Variants in ZFAND3 observed in about 807,000 individuals in gnomAD.
ZFAND3 encodes zinc finger AN1-type containing 3, also known as AN1-type zinc finger protein 3.
Under a neutral mutation model 29.6 loss-of-function variants are expected in ZFAND3, and 10 were observed. The observed-to-expected ratio is 0.34, with a 90% CI of 0.21 to 0.57. The LOEUF (loss-of-function observed/expected upper bound fraction) is 0.57. Ranked by LOEUF, ZFAND3 falls within the 20% of genes least tolerant of loss-of-function variation. The pLI is 0.86. For synonymous variants in ZFAND3, 128 were observed against 112.6 expected, an observed-to-expected ratio of 1.14 and a Z score of -0.87; for missense variants, 230 against 304.5, an observed-to-expected ratio of 0.76 and a Z score of 1.82.
chr6:38,109,178 C>CTT (rs1210795483), intron 4 of ZFAND3, among the ~76,000 whole-genome samples: 20 of 130,714 alleles, frequency 1.5e-4, no homozygotes, highest in Non-Finnish European at 2.4e-4. Flanking sequence ...GCTGCCATGA[C>CTT]TTTTTTTTTT....
chr6:38,127,694 C>CTT (rs111308066), intron 5 of ZFAND3, among the ~76,000 whole-genome samples: 6 of 143,012 alleles, frequency 4.2e-5, no homozygotes, highest in Non-Finnish European at 6.2e-5. Context: ...AGTCTCATCT[C>CTT]TTTTTTTTTT....
intron 2 of ZFAND3, among the ~76,000 whole-genome samples, chr6:37,992,161 C>T (rs2127435907): frequency 6.6e-6 from 1 of 152,274 alleles, no homozygotes; most frequent in South Asian, 2.1e-4. Flanking sequence ...AATTCACTCA[C>T]CCTTGAAGGG....
chr6:37,820,391 C>T (rs909769861), intron 1 of ZFAND3, among the ~76,000 whole-genome samples: 9 of 152,340 alleles, frequency 5.9e-5, no homozygotes, highest in Non-Finnish European at 1.2e-4. Context: ...CCCTTCCTCC[C>T]TCCCGGGGCG....
At chr6:37,961,082 G>A (rs1762186707) in intron 2 of ZFAND3, among the ~76,000 whole-genome samples, 1 of 152,164 alleles carries the variant, frequency 6.6e-6, no homozygotes, top group South Asian at 2.1e-4. Context: ...TCAAAAAATA[G>A]TAAATAATCA....
chr6:37,860,606 T>C (rs1264720841), intron 1 of ZFAND3, among the ~76,000 whole-genome samples: 1 of 151,706 alleles, frequency 6.6e-6, no homozygotes, highest in African/African-American at 2.4e-5. Context: ...TTGTTTGCAG[T>C]GATGTTTAGT....
chr6:38,019,863 C>T (rs570747865), intron 2 of ZFAND3, among the ~76,000 whole-genome samples: 6 of 152,202 alleles, frequency 3.9e-5, no homozygotes, highest in South Asian at 4.1e-4. Flanking sequence ...CTGGGATTAC[C>T]GGCACATGCC....
At position 38,065,746 on chromosome 6, in the gene ZFAND3, T is replaced by G. The variant is rs571349756; in HGVS notation, c.295+3971T>G. Among the ~76,000 whole-genome samples the G allele has an allele frequency of 8.4e-4, 128 of 152,286 alleles. No individual in the cohort carries two copies. In the Middle Eastern group the frequency reaches 0.01, roughly 12 times the overall value. On this transcript the variant is annotated intron_variant, in intron 3 of 5. Transcript: ENST00000287218. ...CTATGCTTTCAGTCACTATAAGATA[T>G]TGTCACAATATTATGAAAATGCTAC...
At chr6:37,992,139 A>G (rs1195467393) in intron 2 of ZFAND3, among the ~76,000 whole-genome samples, 3 of 152,252 alleles carry the variant, frequency 2.0e-5, no homozygotes, top group South Asian at 4.1e-4. Context: ...TGTTTCTTAG[A>G]CTAGGCTTTT....
In ZFAND3 at chr6:38,025,238, C is replaced by T. The variant is rs12055868; in HGVS notation, c.113-36355C>T. The stretch of plus-strand genomic sequence containing the variant: ...CCTATAGGAATTCACAAGTCACATA[C>T]TCTTATTAAGGGACATTACTCAGGA... On this transcript the variant is annotated intron_variant, in intron 2 of 5. Coordinates refer to ENST00000287218, the MANE Select transcript of ZFAND3 (RefSeq NM_021943.3). Among the ~76,000 whole-genome samples, 1,553 of 152,282 alleles carry T rather than the reference C, an allele frequency of 0.01. 88 individuals carry two copies. The East Asian group carries it at 0.17, about 16-fold the overall frequency.
chr6:37,871,950 G>C (rs1048560007), intron 1 of ZFAND3, among the ~76,000 whole-genome samples: 4 of 152,148 alleles, frequency 2.6e-5, no homozygotes, highest in African/African-American at 9.7e-5. Flanking sequence ...TCAGTTTTTA[G>C]TCTTACCTGG....
rs549912991 is a variant in ZFAND3 at position 38,068,421 on chromosome 6, A to G, written c.295+6646A>G. Among the ~76,000 whole-genome samples, 215 of 152,334 alleles carry G rather than the reference A, an allele frequency of 1.4e-3. 1 individual carries two copies. Among genetic ancestry groups the G allele is most frequent in the African/African-American group, 5.0e-3 (209 of 41,566 alleles). On this transcript the variant is annotated intron_variant, in intron 3 of 5. Coordinates refer to ENST00000287218, the MANE Select transcript of ZFAND3 (RefSeq NM_021943.3). ...CTGTGCTACAATAGCAGAGTTGGGT[A>G]GTTGCTGTGGAGACCCAATGGCCTA...
intron 4 of ZFAND3, among the ~76,000 whole-genome samples, chr6:38,108,221 T>G (rs2127481067): frequency 6.6e-6 from 1 of 152,278 alleles, no homozygotes; most frequent in South Asian, 2.1e-4. Context: ...GTATGTAGCT[T>G]ATTTTCAGAT....
At chr6:38,020,667 T>C (rs934269526) in intron 2 of ZFAND3, among the ~76,000 whole-genome samples, 3 of 152,230 alleles carry the variant, frequency 2.0e-5, no homozygotes, top group Admixed American at 6.5e-5. Context: ...CTCTCCCCAT[T>C]ACACAGCCTG....
Position 38,071,585 on chromosome 6 carries a change from T to C in ZFAND3, c.295+9810T>C, listed in dbSNP as rs181522905. On this transcript the variant is annotated intron_variant, in intron 3 of 5. Transcript: ENST00000287218. Reference sequence around the variant, plus strand: ...GAAACTGGAATATACCTTTATAGTATGTATCAGTAGCTTCTGATTTGGATT... The same window carrying C: ...GAAACTGGAATATACCTTTATAGTACGTATCAGTAGCTTCTGATTTGGATT... Among the ~76,000 whole-genome samples, 416 of 152,294 alleles carry C rather than the reference T, an allele frequency of 2.7e-3. 1 individual carries two copies. Among genetic ancestry groups the C allele is most frequent in the Middle Eastern group, 6.8e-3 (2 of 294 alleles).
intron 4 of ZFAND3, among the ~76,000 whole-genome samples, chr6:38,098,023 A>G (rs1324063920): frequency 6.6e-6 from 1 of 152,164 alleles, no homozygotes; most frequent in Non-Finnish European, 1.5e-5. Context: ...AATTGGGAAA[A>G]TCAGACTTCC....
At chr6:38,056,877 G>A (rs6917208) in intron 2 of ZFAND3, among the ~76,000 whole-genome samples, 12,060 of 152,146 alleles carry the variant, frequency 0.079, 599 homozygotes, top group African/African-American at 0.14. Flanking sequence ...TTGGGCTGCT[G>A]TTCACTCTTA....
At chr6:37,844,295 GTCTT>G (rs1764136500) in intron 1 of ZFAND3, among the ~76,000 whole-genome samples, 2 of 150,098 alleles carry the variant, frequency 1.3e-5, no homozygotes, top group African/African-American at 4.9e-5. Flanking sequence ...TGTCTTTCTT[GTCTT>G]TCTTTCTTGT....
At chr6:37,894,471 G>A (rs546826678) in intron 1 of ZFAND3, among the ~76,000 whole-genome samples, 20 of 151,824 alleles carry the variant, frequency 1.3e-4, no homozygotes, top group African/African-American at 4.6e-4. Flanking sequence ...CTGGTCTCCA[G>A]TGATCTTCCC....
intron 2 of ZFAND3, among the ~76,000 whole-genome samples, chr6:37,955,838 AT>A: frequency 6.6e-6 from 1 of 152,356 alleles, no homozygotes; most frequent in African/African-American, 2.4e-5. Context: ...TCTAAATTAC[AT>A]TGGGATAAAA....
Sources: allele counts gnomAD v4.1 joint callset (sites outside exome capture counted in the v4.1 genomes callset), GRCh38; gene constraint gnomAD v4.1.1; transcripts MANE v1.5; gene names NCBI Gene and HGNC (gene_info 2026-07-23, HGNC 2026-07-21).